The following GUCY1A2 variants were observed in gnomAD, a reference collection of about 807,000 sequenced individuals.
The protein encoded by GUCY1A2 is guanylate cyclase 1 soluble subunit alpha 2.
In GUCY1A2, 27 loss-of-function variants were observed where a neutral mutation model predicts 63.5. The ratio of observed to expected loss-of-function variants is 0.43; its 90% confidence interval spans 0.31 to 0.59. The LOEUF is 0.59. Among genes scored for constraint, GUCY1A2 ranks in the 20% least tolerant of loss-of-function variants. The probability of loss-of-function intolerance (pLI) is 0.11; values close to 1 mark genes in which losing one functional copy is unlikely to be tolerated. For synonymous variants in GUCY1A2, 364 were observed against 343.5 expected, an observed-to-expected ratio of 1.06 and a Z score of -0.66; for missense variants, 768 against 913.3, an observed-to-expected ratio of 0.84 and a Z score of 2.05.
rs1860323708 is a variant in GUCY1A2, at chr11:106,913,441, A to C, written c.1206+26019T>G. Among the ~76,000 whole-genome samples the C allele has an allele frequency of 2.0e-5, 3 of 152,062 alleles. No homozygotes were observed. The South Asian group carries it at 6.2e-4, about 31-fold the overall frequency. ...GGGAAGATGCCTGCCTCTCTTTAACAACCAGTTATTATGGGAACTAATACA... is the reference window on the plus strand; with the variant it reads ...GGGAAGATGCCTGCCTCTCTTTAACCACCAGTTATTATGGGAACTAATACA... On this transcript the variant is annotated intron_variant, in intron 4 of 7. Coordinates refer to ENST00000526355, the MANE Select transcript of GUCY1A2 (RefSeq NM_000855.3).
intron 3 of GUCY1A2, among the ~76,000 whole-genome samples, chr11:106,942,716 C>T (rs1204393974): frequency 2.6e-5 from 4 of 152,124 alleles, no homozygotes; most frequent in Admixed American, 6.6e-5. Context: ...AAAGACAATA[C>T]AGTGTAAGCT....
At chr11:106,812,516 T>G (rs996366108) in intron 4 of GUCY1A2, among the ~76,000 whole-genome samples, 5 of 151,774 alleles carry the variant, frequency 3.3e-5, no homozygotes, top group African/African-American at 1.2e-4. Flanking sequence ...CTTTTCTTCC[T>G]AGGTATCAAC....
In GUCY1A2 at chr11:107,018,048, C is replaced by T. The variant is rs759260344; in HGVS notation, c.8G>A (p.Arg3Gln). 1.4e-6 allele frequency: 2 copies of T among 1,460,826 alleles called. No individual in the cohort carries two copies. The highest frequency in any genetic ancestry group is 1.8e-6 in the Non-Finnish European group (2 of 1,094,230). The allele number at this position is 1,460,826 out of a possible 1,614,324, so 90.5% of individuals were successfully genotyped here. The change falls in exon 1 of 8, where the codon CGA becomes CAA. Residue 3 changes from arginine (R) to glutamine (Q), a missense_variant. By Grantham distance (43) the Arg-to-Gln change is conservative. This residue lies in a region of GUCY1A2 where 496 missense variants were observed against 486.9 expected (regional missense o/e 1.02). Transcript: ENST00000526355. MS[R>Q]RKISSESFSS... is the part of the protein sequence containing the mutation. ...GAAGGACTCGGACGAAATCTTCCTT[C>T]GAGACATGCTGCCGGCGGAGCTGCA...
At chr11:106,884,440 A>G (rs560391378) in intron 4 of GUCY1A2, among the ~76,000 whole-genome samples, 2 of 152,236 alleles carry the variant, frequency 1.3e-5, no homozygotes, top group South Asian at 2.1e-4. Context: ...TAGCACGTAC[A>G]ATGTCTCTGA....
intron 4 of GUCY1A2, among the ~76,000 whole-genome samples, chr11:106,819,354 G>A (rs1858871207): frequency 6.6e-6 from 1 of 152,110 alleles, no homozygotes; most frequent in Non-Finnish European, 1.5e-5. Context: ...TGAATACAAT[G>A]CTATCAAACA....
chr11:107,014,299 G>A (rs536940831), intron 1 of GUCY1A2, among the ~76,000 whole-genome samples: 9 of 151,938 alleles, frequency 5.9e-5, no homozygotes, highest in Non-Finnish European at 1.3e-4. Flanking sequence ...ATGTTGACCA[G>A]GATGGTCTCA....
At chr11:106,998,467 A>G (rs1353569289) in intron 1 of GUCY1A2, among the ~76,000 whole-genome samples, 1 of 152,260 alleles carries the variant, frequency 6.6e-6, no homozygotes, top group Non-Finnish European at 1.5e-5. Flanking sequence ...TGCACAAGTT[A>G]TATAAGTAAG....
chr11:106,728,503 C>CA, intron 6 of GUCY1A2, among the ~76,000 whole-genome samples: 1 of 152,102 alleles, frequency 6.6e-6, no homozygotes, highest in East Asian at 1.9e-4. Context: ...TCATTTTTCC[C>CA]AAAAAATGTT....
At chr11:106,985,457 T>A (rs150145213) in intron 2 of GUCY1A2, among the ~76,000 whole-genome samples, 10 of 152,222 alleles carry the variant, frequency 6.6e-5, no homozygotes, top group African/African-American at 2.2e-4. Context: ...AATCATTACA[T>A]CTAATCCTTG....
intron 4 of GUCY1A2, among the ~76,000 whole-genome samples, chr11:106,925,750 C>T (rs1860513261): frequency 6.6e-6 from 1 of 152,158 alleles, no homozygotes; most frequent in African/African-American, 2.4e-5. Context: ...TTGAAAAATA[C>T]AACTGAAACT....
Position 106,927,731 on chromosome 11 carries a change from A to T in GUCY1A2, c.1206+11729T>A, listed in dbSNP as rs111691998. On this transcript the variant is annotated intron_variant, in intron 4 of 7. Coordinates refer to ENST00000526355, the MANE Select transcript of GUCY1A2 (RefSeq NM_000855.3). Reference sequence around the variant, plus strand: ...AGGCGCCCACCACCACGCCCGGCTAATTTTTTTTTTAAATATATTTTTAGT... The same window carrying T: ...AGGCGCCCACCACCACGCCCGGCTATTTTTTTTTTTAAATATATTTTTAGT... Among the ~76,000 whole-genome samples the T allele has an allele frequency of 1.3e-3, 193 of 146,548 alleles. 1 individual carries two copies. Among genetic ancestry groups the T allele is most frequent in the African/African-American group, 4.5e-3 (181 of 39,830 alleles).
At chr11:106,894,922 T>C (rs1413794036) in intron 4 of GUCY1A2, among the ~76,000 whole-genome samples, 1 of 151,812 alleles carries the variant, frequency 6.6e-6, no homozygotes, top group Non-Finnish European at 1.5e-5. Flanking sequence ...ACCTATGAAA[T>C]TGAAAACAGG....
chr11:107,006,528 G>T (rs1861673137), intron 1 of GUCY1A2, among the ~76,000 whole-genome samples: 1 of 152,294 alleles, frequency 6.6e-6, no homozygotes, highest in Middle Eastern at 3.4e-3. Context: ...AAATTATACA[G>T]AAGTCTAAAA....
intron 5 of GUCY1A2, among the ~76,000 whole-genome samples, chr11:106,806,643 T>C (rs1022310167): frequency 3.3e-5 from 5 of 152,198 alleles, no homozygotes; most frequent in Non-Finnish European, 7.4e-5. Context: ...TACTGAAAAT[T>C]TGCCTTTCTA....
chr11:106,816,655 CA>C (rs200904834), intron 4 of GUCY1A2, among the ~76,000 whole-genome samples: 14 of 144,438 alleles, frequency 9.7e-5, no homozygotes, highest in Admixed American at 5.5e-4. Flanking sequence ...AGAAAATGAG[CA>C]AAAAAAAATG....
chr11:106,955,268 G>A (rs1036157541), intron 3 of GUCY1A2, among the ~76,000 whole-genome samples: 5 of 152,054 alleles, frequency 3.3e-5, no homozygotes, highest in African/African-American at 4.8e-5. Context: ...CACCATGCCC[G>A]GCCCAGTCTG....
At chr11:106,728,852 A>G (rs1291940079) in intron 6 of GUCY1A2, among the ~76,000 whole-genome samples, 2 of 152,160 alleles carry the variant, frequency 1.3e-5, no homozygotes, top group Non-Finnish European at 2.9e-5. Context: ...GTTGACTGCA[A>G]TGTTTAAACA....
chr11:106,693,638 A>G (rs1254666333), intron 7 of GUCY1A2, among the ~76,000 whole-genome samples: 1 of 152,116 alleles, frequency 6.6e-6, no homozygotes, highest in Non-Finnish European at 1.5e-5. Flanking sequence ...CTGGTAAATT[A>G]ATCTTCTAAT....
intron 4 of GUCY1A2, chr11:106,827,998 AG>A (rs1858997652): frequency 1.4e-6 from 1 of 712,900 alleles, no homozygotes; most frequent in East Asian, 2.7e-5. Flanking sequence ...CCTTATCCAG[AG>A]AATCCGACCT....
Sources: gnomAD v4.1 joint callset for allele counts (sites outside exome capture counted in the v4.1 genomes callset) on GRCh38, gnomAD v4.1.1 for gene constraint, gnomAD v4.1.1 regional missense constraint, MANE v1.5 for transcripts, NCBI Gene and HGNC (gene_info 2026-07-23, HGNC 2026-07-21) for gene names.